The following GALNTL6 variants were observed in gnomAD, a reference collection of about 807,000 sequenced individuals.
GALNTL6 encodes the protein polypeptide N-acetylgalactosaminyltransferase-like 6.
Under a neutral mutation model 73.7 loss-of-function variants are expected in GALNTL6, and 46 were observed. That is an observed-to-expected ratio of 0.62 (90% confidence interval 0.49 to 0.80). GALNTL6 has a LOEUF of 0.80. GALNTL6 is among the 30% of genes least tolerant of loss of function. The probability of loss-of-function intolerance (pLI) is 0.00; values close to 1 mark genes in which losing one functional copy is unlikely to be tolerated. For synonymous variants in GALNTL6, 259 were observed against 263.7 expected, an observed-to-expected ratio of 0.98 and a Z score of 0.17; for missense variants, 604 against 755.0, an observed-to-expected ratio of 0.80 and a Z score of 2.34.
chr4:172,496,791 G>T (rs1418969827), intron 5 of GALNTL6, among the ~76,000 whole-genome samples: 1 of 152,186 alleles, frequency 6.6e-6, no homozygotes, highest in Non-Finnish European at 1.5e-5. Flanking sequence ...TAGAGATTTA[G>T]ATCTAAATTC....
intron 5 of GALNTL6, among the ~76,000 whole-genome samples, chr4:172,561,684 CA>C (rs1163197741): frequency 6.6e-6 from 1 of 152,144 alleles, no homozygotes; most frequent in Non-Finnish European, 1.5e-5. Context: ...TGCTGGTTCT[CA>C]AACACTTGCT....
chr4:172,590,932 T>C (rs1737613878), intron 5 of GALNTL6, among the ~76,000 whole-genome samples: 1 of 152,126 alleles, frequency 6.6e-6, no homozygotes, highest in Non-Finnish European at 1.5e-5. Flanking sequence ...CGTCGTGAAA[T>C]GCTTCATAAA....
chr4:172,776,241 T>G (rs189653003), intron 5 of GALNTL6, among the ~76,000 whole-genome samples: 5 of 152,376 alleles, frequency 3.3e-5, no homozygotes, highest in Admixed American at 1.3e-4. Flanking sequence ...GTCTTTAATG[T>G]CAGAGATTCG....
At chr4:172,427,356 T>A (rs1325870280) in intron 5 of GALNTL6, among the ~76,000 whole-genome samples, 21 of 151,950 alleles carry the variant, frequency 1.4e-4, no homozygotes, top group Non-Finnish European at 2.2e-4. Flanking sequence ...AACCATCAGA[T>A]CTCATGAGAA....
At chr4:172,555,378 A>C (rs190008428) in intron 5 of GALNTL6, among the ~76,000 whole-genome samples, 51 of 152,210 alleles carry the variant, frequency 3.4e-4, no homozygotes, top group Admixed American at 6.5e-4. Flanking sequence ...TACTCTAAGA[A>C]CTTTACAGAA....
intron 10 of GALNTL6, among the ~76,000 whole-genome samples, chr4:172,961,609 G>T (rs919851683): frequency 2.0e-5 from 3 of 152,168 alleles, no homozygotes; most frequent in Non-Finnish European, 4.4e-5. Context: ...GGTAAAACGT[G>T]TCTCCTTTGT....
chr4:172,833,116 G>A (rs1230667160), intron 7 of GALNTL6, among the ~76,000 whole-genome samples: 1 of 152,074 alleles, frequency 6.6e-6, no homozygotes, highest in African/African-American at 2.4e-5. Flanking sequence ...TTACACACTA[G>A]AACATGGGCG....
chr4:172,657,983 T>C (rs1308724205), intron 5 of GALNTL6, among the ~76,000 whole-genome samples: 2 of 146,976 alleles, frequency 1.4e-5, no homozygotes, highest in African/African-American at 5.1e-5. Context: ...ACCCCGTCTC[T>C]ACTAAAAATA....
chr4:171,828,219 T>G (rs1734875526), intron 2 of GALNTL6, among the ~76,000 whole-genome samples: 1 of 152,178 alleles, frequency 6.6e-6, no homozygotes, highest in Non-Finnish European at 1.5e-5. Context: ...GCTATTACAG[T>G]GGGTTCAAGT....
intron 5 of GALNTL6, among the ~76,000 whole-genome samples, chr4:172,716,071 C>A (rs1289313757): frequency 6.6e-6 from 1 of 150,976 alleles, no homozygotes; most frequent in Non-Finnish European, 1.5e-5. Flanking sequence ...CGCACCCCAC[C>A]CCAACAACCC....
chr4:173,032,621 G>A (rs1753519094), intron 12 of GALNTL6, among the ~76,000 whole-genome samples: 1 of 152,086 alleles, frequency 6.6e-6, no homozygotes, highest in South Asian at 2.1e-4. Flanking sequence ...GGATGTCGAG[G>A]CTGCAGTGAG....
chr4:171,936,889 T>C (rs777317409), intron 2 of GALNTL6, among the ~76,000 whole-genome samples: 3 of 152,168 alleles, frequency 2.0e-5, no homozygotes, highest in Non-Finnish European at 4.4e-5. Context: ...TAAAAGCCTC[T>C]ATGATTACAT....
rs113626951 is a variant in GALNTL6 at position 171,828,824 on chromosome 4, T to A, written c.138+14106T>A. On this transcript the variant is annotated intron_variant, in intron 2 of 12. Coordinates refer to ENST00000506823, the MANE Select transcript of GALNTL6 (RefSeq NM_001034845.3). ...TTTTAGTTGAGACAGGGTTTCACTA[T>A]GGTCTAGTTGTTCGAGATCAGGCTG... Among the ~76,000 whole-genome samples, 679 of 152,204 alleles carry A rather than the reference T, an allele frequency of 4.5e-3. 2 individuals carry two copies. Among genetic ancestry groups the A allele is most frequent in the African/African-American group, 0.015 (640 of 41,532 alleles).
rs539345436 is a variant in GALNTL6 at position 171,927,052 on chromosome 4, G to A, written c.138+112334G>A. ...ATTTTTTTTTTCTGTTGAGTGTTAA[G>A]GGGTGGTGATTTTTTTCTTTGTACA... On this transcript the variant is annotated intron_variant, in intron 2 of 12. Transcript: ENST00000506823. Among the ~76,000 whole-genome samples the A allele has an allele frequency of 6.6e-5, 10 of 151,912 alleles. No individual in the cohort carries two copies. The South Asian group carries it at 1.5e-3, about 22-fold the overall frequency.
At chr4:172,611,520 G>A (rs74543944) in intron 5 of GALNTL6, among the ~76,000 whole-genome samples, 1,741 of 152,044 alleles carry the variant, frequency 0.011, 37 homozygotes, top group African/African-American at 0.04. Context: ...CTGGCTTGTA[G>A]GGTTCTGCCA....
chr4:172,952,352 C>A, intron 10 of GALNTL6, 94 bp downstream of exon 10: 1 of 784,782 alleles, frequency 1.3e-6, no homozygotes, highest in South Asian at 1.7e-5. Flanking sequence ...AAAACCTTCA[C>A]TTTTACCCTG....
At chr4:172,290,882 A>T (rs1739447166) in intron 3 of GALNTL6, among the ~76,000 whole-genome samples, 1 of 151,892 alleles carries the variant, frequency 6.6e-6, no homozygotes, top group Non-Finnish European at 1.5e-5. Context: ...AAGAAAACCC[A>T]CATAAAAAAT....
chr4:172,982,287 G>T (rs1390692969), intron 10 of GALNTL6, among the ~76,000 whole-genome samples: 2 of 152,160 alleles, frequency 1.3e-5, no homozygotes, highest in East Asian at 1.9e-4. Flanking sequence ...CCCTCCCTCT[G>T]CTCTCTCCAT....
intron 2 of GALNTL6, among the ~76,000 whole-genome samples, chr4:171,951,695 T>A (rs1268434249): frequency 6.6e-6 from 1 of 152,034 alleles, no homozygotes; most frequent in Non-Finnish European, 1.5e-5. Context: ...ATTCAATTTT[T>A]AAAAACTGGA....
Sources: gnomAD v4.1 joint callset for allele counts (sites outside exome capture counted in the v4.1 genomes callset) on GRCh38, gnomAD v4.1.1 for gene constraint, MANE v1.5 for transcripts, NCBI Gene and HGNC (gene_info 2026-07-23, HGNC 2026-07-21) for gene names.